PIK3C2G: variants seen among roughly 807,000 people sequenced by gnomAD.
PIK3C2G encodes the protein phosphatidylinositol 3-kinase C2 domain-containing subunit gamma.
Under a neutral mutation model 181.1 loss-of-function variants are expected in PIK3C2G, and 168 were observed. That is an observed-to-expected ratio of 0.93 (90% CI 0.82 to 1.05). PIK3C2G has a LOEUF of 1.05. PIK3C2G is among the 50% of genes least tolerant of loss of function. PIK3C2G has a pLI of 0.00. For synonymous variants in PIK3C2G, 573 were observed against 592.2 expected (o/e 0.97, Z 0.47); for missense variants, 1,869 against 1,732.8 (o/e 1.08, Z -1.40).
intron 10 of PIK3C2G, among the ~76,000 whole-genome samples, chr12:18,344,001 T>A (rs576853138): frequency 6.6e-6 from 1 of 152,238 alleles, no homozygotes; most frequent in Non-Finnish European, 1.5e-5. Context: ...TCTCAACTGG[T>A]TTTGAATCAA....
intron 31 of PIK3C2G, among the ~76,000 whole-genome samples, chr12:18,622,094 C>T (rs900161550): frequency 5.9e-5 from 9 of 151,800 alleles, no homozygotes; most frequent in Non-Finnish European, 8.9e-5. Context: ...CTTAGTGATA[C>T]TGAAATGTAC....
At chr12:18,635,343 G>A (rs907538538) in intron 31 of PIK3C2G, among the ~76,000 whole-genome samples, 4 of 152,168 alleles carry the variant, frequency 2.6e-5, no homozygotes, top group African/African-American at 4.8e-5. Flanking sequence ...ATCGTGACAC[G>A]CCATCAAGGC....
intron 30 of PIK3C2G, among the ~76,000 whole-genome samples, chr12:18,602,439 C>G (rs1327305501): frequency 6.6e-6 from 1 of 151,626 alleles, no homozygotes; most frequent in Non-Finnish European, 1.5e-5. Context: ...TGGTCCCTCC[C>G]TACCCACCCT....
intron 16 of PIK3C2G, among the ~76,000 whole-genome samples, chr12:18,403,509 G>A (rs1409221589): frequency 6.6e-6 from 1 of 152,160 alleles, no homozygotes; most frequent in Non-Finnish European, 1.5e-5. Flanking sequence ...TAAGTGAGTT[G>A]TCAGAGTGAG....
intron 30 of PIK3C2G, among the ~76,000 whole-genome samples, chr12:18,605,126 T>G (rs1565554686): frequency 6.6e-6 from 1 of 152,042 alleles, no homozygotes; most frequent in Non-Finnish European, 1.5e-5. Flanking sequence ...ACAAATAAAA[T>G]TGATAGACCA....
At chr12:18,476,297 G>C (rs781604640) in intron 18 of PIK3C2G, among the ~76,000 whole-genome samples, 16 of 152,138 alleles carry the variant, frequency 1.1e-4, no homozygotes, top group Non-Finnish European at 4.4e-5. Flanking sequence ...GCTTGAGAAA[G>C]CTGAGAAGAT....
chr12:18,602,296 G>A (rs1164265220), intron 30 of PIK3C2G, among the ~76,000 whole-genome samples: 1 of 151,846 alleles, frequency 6.6e-6, no homozygotes, highest in Non-Finnish European at 1.5e-5. Context: ...TGACTTAGTT[G>A]AGGCAGCCAT....
intron 29 of PIK3C2G, among the ~76,000 whole-genome samples, chr12:18,593,548 C>T (rs1189768462): frequency 1.3e-5 from 2 of 151,886 alleles, no homozygotes; most frequent in Non-Finnish European, 2.9e-5. Context: ...GCTACTATGG[C>T]ATCAGCCTGT....
chr12:18,326,653 G>T (rs762025851), intron 8 of PIK3C2G, among the ~76,000 whole-genome samples: 43 of 152,024 alleles, frequency 2.8e-4, no homozygotes, highest in Non-Finnish European at 5.7e-4. Context: ...TTAAAATGTG[G>T]AATGTGAAAA....
chr12:18,523,831 T>G (rs1180445373), intron 24 of PIK3C2G, among the ~76,000 whole-genome samples: 2 of 152,186 alleles, frequency 1.3e-5, no homozygotes, highest in East Asian at 3.9e-4. Flanking sequence ...ACTGAGCAAG[T>G]TCGGATACTC....
At chr12:18,680,416 A>G in the PIK3C2G span, among the ~76,000 whole-genome samples, 1 of 151,942 alleles carries the variant, frequency 6.6e-6, no homozygotes, top group African/African-American at 2.4e-5. Context: ...TTACAGCTAC[A>G]GGGAAGCTTC....
chr12:18,338,663 CTGTGTGTGTGTGTGTGTGTGTGTG>C (rs199613361), intron 9 of PIK3C2G, 115 bp downstream of exon 9: 7 of 413,932 alleles, frequency 1.7e-5, no homozygotes, highest in African/African-American at 6.5e-5. Context: ...TTGTGTGTAT[CTGTGTGTGTGTGTGTGTGTGTGTG>C]TGTGTGTGTG....
At chr12:18,715,384 C>A in the PIK3C2G span, among the ~76,000 whole-genome samples, 7 of 151,094 alleles carry the variant, frequency 4.6e-5, no homozygotes, top group African/African-American at 1.7e-4. Context: ...TTAATAAATT[C>A]TTTTGGGGTG....
At chr12:18,626,025 T>C (rs868050733) in intron 31 of PIK3C2G, among the ~76,000 whole-genome samples, 4 of 151,868 alleles carry the variant, frequency 2.6e-5, no homozygotes, top group African/African-American at 9.7e-5. Context: ...TCAAAGTAAG[T>C]ATTGACAGGT....
intron 12 of PIK3C2G, among the ~76,000 whole-genome samples, chr12:18,365,522 A>G (rs185683108): frequency 6.6e-6 from 1 of 152,268 alleles, no homozygotes. Flanking sequence ...ACCTATCAGA[A>G]GCTTTTGGCA....
At chr12:18,268,160 A>AT (rs1054850021) in intron 1 of PIK3C2G, among the ~76,000 whole-genome samples, 1 of 152,048 alleles carries the variant, frequency 6.6e-6, no homozygotes, top group Non-Finnish European at 1.5e-5. Context: ...GTACGTGTGG[A>AT]TTTTTTCCTT....
At chr12:18,468,086 C>G (rs114852224) in intron 18 of PIK3C2G, among the ~76,000 whole-genome samples, 1,581 of 152,050 alleles carry the variant, frequency 0.01, 28 homozygotes, top group African/African-American at 0.036. Context: ...CCCCAGAAAC[C>G]CATAAAAGGA....
intron 13 of PIK3C2G, among the ~76,000 whole-genome samples, chr12:18,378,008 A>T (rs1942572889): frequency 6.6e-6 from 1 of 152,152 alleles, no homozygotes; most frequent in South Asian, 2.1e-4. Context: ...ACAGGCATGC[A>T]TCACCATTTG....
intron 32 of PIK3C2G, among the ~76,000 whole-genome samples, chr12:18,645,351 C>A (rs1179608624): frequency 6.6e-6 from 1 of 152,064 alleles, no homozygotes; most frequent in Non-Finnish European, 1.5e-5. Flanking sequence ...TATTTATCAT[C>A]TATAATGTGC....
Sources: gnomAD v4.1 joint callset for allele counts (sites outside exome capture counted in the v4.1 genomes callset) on GRCh38, gnomAD v4.1.1 for gene constraint, MANE v1.5 for transcripts, NCBI Gene and HGNC (gene_info 2026-07-23, HGNC 2026-07-21) for gene names.